The following SPOCK3 variants were observed in gnomAD, a reference collection of about 807,000 sequenced individuals.
SPOCK3 encodes the protein testican-3.
SPOCK3 carries 30 observed loss-of-function variants against 56.6 expected under a neutral mutation model. The ratio of observed to expected loss-of-function variants is 0.53; its 90% CI spans 0.40 to 0.72. The LOEUF (loss-of-function observed/expected upper bound fraction) is 0.72, where lower values mean the gene tolerates loss of function less well. Ranked by LOEUF, SPOCK3 falls within the 30% of genes least tolerant of loss-of-function variation. SPOCK3 has a pLI of 0.00. For synonymous variants in SPOCK3, 196 were observed against 183.3 expected, an observed-to-expected ratio of 1.07 and a Z score of -0.56; for missense variants, 527 against 530.0, an observed-to-expected ratio of 0.99 and a Z score of 0.06.
At chr4:166,860,829 A>G (rs1560943258) in intron 6 of SPOCK3, among the ~76,000 whole-genome samples, 4 of 143,780 alleles carry the variant, frequency 2.8e-5, no homozygotes, top group East Asian at 2.0e-4. Flanking sequence ...ATATATATAT[A>G]TGCATAAAAT....
intron 7 of SPOCK3, among the ~76,000 whole-genome samples, chr4:166,788,893 A>G (rs1560858236): frequency 2.0e-5 from 3 of 152,118 alleles, no homozygotes; most frequent in Non-Finnish European, 4.4e-5. Flanking sequence ...CTAATTTTTA[A>G]AAGATTTCTT....
chr4:166,748,533 C>A lies in SPOCK3; in HGVS notation c.931+5975G>T, dbSNP rs1329183606. ...TGTTAGACCTAAAGCCATAAAAACC[C>A]TAGAAGAAAACCTAGGCAATACCAT... On this transcript the variant is annotated intron_variant, in intron 8 of 10. Transcript: ENST00000357545. Among the ~76,000 whole-genome samples, 14 of 136,570 alleles carry A rather than the reference C, an allele frequency of 1.0e-4. 2 individuals carry two copies. Among genetic ancestry groups the A allele is most frequent in the Admixed American group, 5.6e-4 (8 of 14,220 alleles). The allele number at this position is 136,570 out of a possible 152,430, so 89.6% of individuals were successfully genotyped here.
At chr4:166,827,789 A>G (rs1384538469) in intron 6 of SPOCK3, among the ~76,000 whole-genome samples, 1 of 151,872 alleles carries the variant, frequency 6.6e-6, no homozygotes, top group African/African-American at 2.4e-5. Flanking sequence ...ACCCACTTCA[A>G]ATCTGGGAGT....
At chr4:166,769,203 T>C (rs2049348425) in intron 7 of SPOCK3, among the ~76,000 whole-genome samples, 1 of 152,230 alleles carries the variant, frequency 6.6e-6, no homozygotes, top group South Asian at 2.1e-4. Flanking sequence ...AGTTATTCGC[T>C]GTCCAGCTGT....
intron 6 of SPOCK3, among the ~76,000 whole-genome samples, chr4:166,867,947 A>C (rs930993710): frequency 6.6e-6 from 1 of 151,956 alleles, no homozygotes; most frequent in African/African-American, 2.4e-5. Flanking sequence ...TAGTATATGT[A>C]TATGGTACAT....
chr4:167,212,598 G>A (rs1034278725), intron 2 of SPOCK3, among the ~76,000 whole-genome samples: 6 of 152,048 alleles, frequency 3.9e-5, no homozygotes, highest in African/African-American at 1.4e-4. Context: ...AGAAAATTTT[G>A]ATGATTTTAA....
intron 7 of SPOCK3, among the ~76,000 whole-genome samples, chr4:166,781,864 G>T (rs1295803800): frequency 1.3e-5 from 2 of 152,032 alleles, no homozygotes; most frequent in Non-Finnish European, 1.5e-5. Flanking sequence ...CATGACAGGG[G>T]TAACATGCTG....
At chr4:167,101,917 T>G (rs947121874) in intron 2 of SPOCK3, among the ~76,000 whole-genome samples, 1 of 151,822 alleles carries the variant, frequency 6.6e-6, no homozygotes, top group Non-Finnish European at 1.5e-5. Context: ...GAGATGGGGT[T>G]TCACCATGTT....
intron 2 of SPOCK3, among the ~76,000 whole-genome samples, chr4:167,231,091 C>T (rs188287558): frequency 2.8e-4 from 43 of 152,086 alleles, no homozygotes; most frequent in Admixed American, 8.5e-4. Context: ...CTCTTTGTTC[C>T]TAAAGCTTTA....
At chr4:167,125,608 G>C (rs977426061) in intron 2 of SPOCK3, among the ~76,000 whole-genome samples, 3 of 151,990 alleles carry the variant, frequency 2.0e-5, no homozygotes, top group Non-Finnish European at 2.9e-5. Context: ...CAAGCTACTC[G>C]GGAGGCTGAG....
chr4:166,735,042 T>G lies in SPOCK3; in HGVS notation c.1181A>C (p.Glu394Ala), dbSNP rs767985634. 1 of 1,599,630 alleles carries G rather than the reference T, an allele frequency of 6.3e-7. No individual in the cohort carries two copies. Among genetic ancestry groups the G allele is most frequent in the Non-Finnish European group, 8.6e-7 (1 of 1,168,566 alleles). ...SGDFASGDFH[E>A]WTDDEDDEDD... ...TTCATCATCCTCATCATCAGTCCATTCATGAAAATCGCCACTAGCAAAATC... is the reference window on the plus strand; with the variant it reads ...TTCATCATCCTCATCATCAGTCCATGCATGAAAATCGCCACTAGCAAAATC... Residue 394 changes from glutamate (E) to alanine (A), a missense_variant, in exon 11 of 11, where the codon GAA becomes GCA. Glu to Ala is a moderately radical substitution (Grantham distance 107). Coordinates refer to ENST00000357545, the MANE Select transcript of SPOCK3 (RefSeq NM_001040159.2).
chr4:166,943,593 G>A (rs1452596180), intron 4 of SPOCK3, among the ~76,000 whole-genome samples: 1 of 152,126 alleles, frequency 6.6e-6, no homozygotes, highest in Non-Finnish European at 1.5e-5. Context: ...TAATGAATTG[G>A]AGGGGAAAAA....
At chr4:166,865,152 A>G (rs1199705414) in intron 6 of SPOCK3, among the ~76,000 whole-genome samples, 9 of 152,302 alleles carry the variant, frequency 5.9e-5, no homozygotes, top group African/African-American at 1.9e-4. Flanking sequence ...AAAGTAATCT[A>G]TCACATAAAC....
rs749803521 is a variant in SPOCK3, at chr4:166,734,703, G to A, written c.*218C>T. On this transcript the variant is annotated 3_prime_UTR_variant, in exon 11 of 11. Coordinates refer to ENST00000357545, the MANE Select transcript of SPOCK3 (RefSeq NM_001040159.2). ...TATTTTGTCTGACTAGACTGCATAT[G>A]TATTTTCTTTTTGTGTAAGGAATAT... The A allele has an allele frequency of 3.3e-4, 143 of 439,950 alleles. No individual in the cohort carries two copies. The highest frequency in any genetic ancestry group is 6.0e-4 in the Middle Eastern group (1 of 1,668). 27.3% of individuals were successfully genotyped at this position (439,950 alleles called of 1,614,324 possible).
chr4:166,947,520 T>C (rs981790395), intron 4 of SPOCK3, among the ~76,000 whole-genome samples: 1 of 152,146 alleles, frequency 6.6e-6, no homozygotes, highest in Non-Finnish European at 1.5e-5. Context: ...AAGGAAACAT[T>C]CTCACAAATG....
chr4:167,181,008 A>T (rs1731406992), intron 2 of SPOCK3, among the ~76,000 whole-genome samples: 1 of 152,182 alleles, frequency 6.6e-6, no homozygotes, highest in Non-Finnish European at 1.5e-5. Flanking sequence ...CATGGCACTG[A>T]TTCATAATTA....
At chr4:166,950,031 C>T (rs551921987) in intron 4 of SPOCK3, among the ~76,000 whole-genome samples, 4,228 of 150,152 alleles carry the variant, frequency 0.028, 371 homozygotes, top group African/African-American at 0.1. Flanking sequence ...CATCAACTAA[C>T]GAGCAAAATA....
intron 5 of SPOCK3, among the ~76,000 whole-genome samples, chr4:166,902,538 C>T (rs1426210963): frequency 6.6e-6 from 1 of 151,528 alleles, no homozygotes; most frequent in Non-Finnish European, 1.5e-5. Flanking sequence ...TATATTCTAC[C>T]TTTTTGGGTT....
At chr4:167,217,983 T>A (rs1422297988) in intron 2 of SPOCK3, among the ~76,000 whole-genome samples, 1 of 151,594 alleles carries the variant, frequency 6.6e-6, no homozygotes, top group Non-Finnish European at 1.5e-5. Flanking sequence ...ATCAGAAACA[T>A]CACAGTATAG....
Sources: gnomAD v4.1 joint callset for allele counts (sites outside exome capture counted in the v4.1 genomes callset) on GRCh38, gnomAD v4.1.1 for gene constraint, MANE v1.5 for transcripts, NCBI Gene and HGNC (gene_info 2026-07-23, HGNC 2026-07-21) for gene names.